The following SLC25A21 variants were observed in gnomAD, a reference collection of about 807,000 sequenced individuals.
SLC25A21 encodes mitochondrial 2-oxodicarboxylate carrier.
A neutral mutation model predicts 43.8 loss-of-function variants in SLC25A21; 47 were observed. That is an observed-to-expected ratio of 1.07 (90% CI 0.85 to 1.37). The LOEUF is 1.37. SLC25A21 is among the 40% of genes most tolerant of loss of function. The probability of loss-of-function intolerance (pLI) is 0.00; values close to 1 mark genes in which losing one functional copy is unlikely to be tolerated. For synonymous variants in SLC25A21, 131 were observed against 121.3 expected, an observed-to-expected ratio of 1.08 and a Z score of -0.52; for missense variants, 352 against 350.2, an observed-to-expected ratio of 1.00 and a Z score of -0.04.
intron 3 of SLC25A21, among the ~76,000 whole-genome samples, chr14:36,788,446 G>A (rs1410245213): frequency 6.6e-6 from 1 of 150,744 alleles, no homozygotes; most frequent in East Asian, 1.9e-4. Context: ...GATCATGAAA[G>A]GCTGAGCCAC....
intron 1 of SLC25A21, among the ~76,000 whole-genome samples, chr14:37,157,575 G>A (rs768956476): frequency 1.3e-5 from 2 of 152,006 alleles, no homozygotes; most frequent in Non-Finnish European, 2.9e-5. Flanking sequence ...AAAACCCATG[G>A]GATACAGCAA....
intron 3 of SLC25A21, among the ~76,000 whole-genome samples, chr14:36,800,167 C>A (rs1887820419): frequency 6.6e-6 from 1 of 152,080 alleles, no homozygotes; most frequent in Middle Eastern, 3.2e-3. Flanking sequence ...TTAAAAAAGT[C>A]ATTCTCTGTT....
At chr14:36,886,951 G>C (rs889817505) in intron 1 of SLC25A21, among the ~76,000 whole-genome samples, 4 of 152,078 alleles carry the variant, frequency 2.6e-5, no homozygotes, top group African/African-American at 9.7e-5. Flanking sequence ...CTATATGTGG[G>C]CTTTTACCAC....
chr14:37,153,754 C>T (rs1049946522), intron 1 of SLC25A21, among the ~76,000 whole-genome samples: 1 of 152,198 alleles, frequency 6.6e-6, no homozygotes, highest in Non-Finnish European at 1.5e-5. Context: ...CCTGCTCTCA[C>T]CACAAGCCCC....
intron 3 of SLC25A21, among the ~76,000 whole-genome samples, chr14:36,791,470 C>G (rs1215343881): frequency 6.6e-6 from 1 of 152,126 alleles, no homozygotes; most frequent in Non-Finnish European, 1.5e-5. Context: ...TAGTTCTTAG[C>G]CCCACCAGCA....
intron 1 of SLC25A21, among the ~76,000 whole-genome samples, chr14:36,879,800 C>G: frequency 6.7e-6 from 1 of 148,240 alleles, no homozygotes; most frequent in Admixed American, 6.8e-5. Flanking sequence ...CTGAAATAAC[C>G]TGCACCACAC....
At chr14:36,767,617 T>C (rs1258351998) in intron 3 of SLC25A21, among the ~76,000 whole-genome samples, 1 of 152,204 alleles carries the variant, frequency 6.6e-6, no homozygotes, top group African/African-American at 2.4e-5. Flanking sequence ...GTGAGTCAAA[T>C]GTGTAAGATC....
chr14:37,128,538 C>CTCTCTCTGTG (rs1555348857), intron 1 of SLC25A21, among the ~76,000 whole-genome samples: 5 of 122,794 alleles, frequency 4.1e-5, no homozygotes, highest in East Asian at 5.2e-4. Context: ...CTCTCTCTCT[C>CTCTCTCTGTG]TGTGTGTGTG....
chr14:36,931,579 T>C (rs1256096596), intron 1 of SLC25A21, among the ~76,000 whole-genome samples: 1 of 152,104 alleles, frequency 6.6e-6, no homozygotes, highest in African/African-American at 2.4e-5. Context: ...TTTTCTTGTG[T>C]AGACAATGGG....
intron 1 of SLC25A21, among the ~76,000 whole-genome samples, chr14:37,008,151 G>A (rs1278475281): frequency 6.6e-6 from 1 of 152,082 alleles, no homozygotes; most frequent in African/African-American, 2.4e-5. Context: ...TGGGATTACA[G>A]GCATGAACCA....
intron 1 of SLC25A21, among the ~76,000 whole-genome samples, chr14:37,051,564 C>A (rs925334441): frequency 1.3e-5 from 2 of 152,132 alleles, no homozygotes; most frequent in African/African-American, 4.8e-5. Context: ...GCAACTTGGG[C>A]AATTGGAAAA....
intron 1 of SLC25A21, among the ~76,000 whole-genome samples, chr14:37,001,448 G>A (rs1960487562): frequency 6.6e-6 from 1 of 152,128 alleles, no homozygotes; most frequent in African/African-American, 2.4e-5. Context: ...TTAGATCCAA[G>A]CAGGCCAACT....
chr14:36,719,454 A>G (rs1207386688), intron 6 of SLC25A21, among the ~76,000 whole-genome samples: 1 of 152,204 alleles, frequency 6.6e-6, no homozygotes, highest in Admixed American at 6.5e-5. Flanking sequence ...GTCTATCCCA[A>G]TTTTATCCAC....
chr14:37,131,480 C>T (rs1204901357), intron 1 of SLC25A21, among the ~76,000 whole-genome samples: 1 of 152,218 alleles, frequency 6.6e-6, no homozygotes, highest in Non-Finnish European at 1.5e-5. Context: ...CTCATAGATA[C>T]ACAGCACTGT....
intron 1 of SLC25A21, among the ~76,000 whole-genome samples, chr14:37,020,326 A>G (rs1960957397): frequency 6.6e-6 from 1 of 151,992 alleles, no homozygotes; most frequent in Admixed American, 6.6e-5. Context: ...ATACTAGTAC[A>G]TAAATAAGTC....
At chr14:36,745,053 C>T (rs1040217605) in intron 3 of SLC25A21, among the ~76,000 whole-genome samples, 7 of 138,752 alleles carry the variant, frequency 5.0e-5, no homozygotes, top group Admixed American at 3.2e-4. Context: ...TCCATGTGTT[C>T]TCATTGTTCA....
At chr14:36,786,045 C>T (rs938976188) in intron 3 of SLC25A21, among the ~76,000 whole-genome samples, 3 of 152,164 alleles carry the variant, frequency 2.0e-5, no homozygotes, top group African/African-American at 7.2e-5. Context: ...CAGATCCTGC[C>T]CATGGGTTTG....
At chr14:36,872,991 T>C (rs1296482739) in intron 2 of SLC25A21, among the ~76,000 whole-genome samples, 4 of 152,224 alleles carry the variant, frequency 2.6e-5, no homozygotes, top group Non-Finnish European at 5.9e-5. Flanking sequence ...GAATTAAACA[T>C]TGAGTGAATG....
chr14:37,067,042 T>C (rs952210208), intron 1 of SLC25A21, among the ~76,000 whole-genome samples: 8 of 152,046 alleles, frequency 5.3e-5, no homozygotes, highest in African/African-American at 1.9e-4. Flanking sequence ...GAAAAAAATG[T>C]AAATACGAAA....
Sources: allele counts gnomAD v4.1 joint callset (sites outside exome capture counted in the v4.1 genomes callset), GRCh38; gene constraint gnomAD v4.1.1; transcripts MANE v1.5; gene names NCBI Gene and HGNC (gene_info 2026-07-23, HGNC 2026-07-21).